Variants in ST6GAL2 observed in about 807,000 individuals in gnomAD.
The protein encoded by ST6GAL2 is ST6 beta-galactoside alpha-2,6-sialyltransferase 2, also known as beta-galactoside alpha-2,6-sialyltransferase 2.
Under a neutral mutation model 37.5 loss-of-function variants are expected in ST6GAL2, and 24 were observed. The ratio of observed to expected loss-of-function variants is 0.64; its 90% CI spans 0.46 to 0.90. The LOEUF (loss-of-function observed/expected upper bound fraction) is 0.90, where lower values mean the gene tolerates loss of function less well. ST6GAL2 is among the 40% of genes least tolerant of loss of function. ST6GAL2 has a pLI of 0.00. For missense variants in ST6GAL2, 715 were observed against 712.7 expected, an observed-to-expected ratio of 1.00 and a Z score of -0.04; for synonymous variants, 306 against 295.1, an observed-to-expected ratio of 1.04 and a Z score of -0.38.
chr2:106,869,017 A>G, intron 1 of ST6GAL2, among the ~76,000 whole-genome samples: 1 of 152,204 alleles, frequency 6.6e-6, no homozygotes, highest in South Asian at 2.1e-4. Flanking sequence ...TCTTTTATTT[A>G]ACAAACATCT....
intron 2 of ST6GAL2, among the ~76,000 whole-genome samples, chr2:106,837,343 G>A (rs1200150315): frequency 6.6e-6 from 1 of 152,148 alleles, no homozygotes; most frequent in Non-Finnish European, 1.5e-5. Context: ...GGGTTCTGCT[G>A]CCCTGACTTG....
At chr2:106,833,573 C>A (rs764189461) in intron 3 of ST6GAL2, among the ~76,000 whole-genome samples, 1 of 152,144 alleles carries the variant, frequency 6.6e-6, no homozygotes, top group Non-Finnish European at 1.5e-5. Context: ...TCATTAAGAA[C>A]GTGAAGAAAC....
intron 2 of ST6GAL2, among the ~76,000 whole-genome samples, chr2:106,838,790 C>A (rs939017624): frequency 6.6e-6 from 1 of 152,192 alleles, no homozygotes; most frequent in Non-Finnish European, 1.5e-5. Flanking sequence ...ACTTCCAGCA[C>A]TTTGTGAGGC....
At chr2:106,849,572 T>C (rs1229315182) in intron 1 of ST6GAL2, among the ~76,000 whole-genome samples, 1 of 152,200 alleles carries the variant, frequency 6.6e-6, no homozygotes, top group African/African-American at 2.4e-5. Context: ...GAAATTTGCA[T>C]TGGTAGAGCA....
chr2:106,883,901 G>A (rs1558738444), intron 1 of ST6GAL2, among the ~76,000 whole-genome samples: 2 of 152,132 alleles, frequency 1.3e-5, no homozygotes, highest in Non-Finnish European at 2.9e-5. Flanking sequence ...CTTCCCAGAG[G>A]ACAAATATCT....
At chr2:106,811,879 T>C (rs2104418661) in intron 5 of ST6GAL2, among the ~76,000 whole-genome samples, 1 of 152,106 alleles carries the variant, frequency 6.6e-6, no homozygotes, top group South Asian at 2.1e-4. Context: ...CGAAGCAAAA[T>C]CACCACAAGG....
Position 106,806,625 on chromosome 2 carries a change from C to T in ST6GAL2, c.*53G>A, listed in dbSNP as rs1202647656. Reference sequence around the variant, plus strand: ...TCTATCTTCAAGTATTCTTTTGTGACTTTGAGTACAACAGTAGTACCTTAT... The same window carrying T: ...TCTATCTTCAAGTATTCTTTTGTGATTTTGAGTACAACAGTAGTACCTTAT... On this transcript the variant is annotated 3_prime_UTR_variant, in exon 6 of 6. Transcript: ENST00000409382. 6.4e-7 allele frequency: 1 copy of T among 1,560,924 alleles called. No homozygotes were observed. Among genetic ancestry groups the T allele is most frequent in the African/African-American group, 1.4e-5 (1 of 73,640 alleles).
chr2:106,821,752 A>G (rs1443895947), intron 5 of ST6GAL2, among the ~76,000 whole-genome samples: 1 of 152,138 alleles, frequency 6.6e-6, no homozygotes, highest in Non-Finnish European at 1.5e-5. Context: ...TATTGATTTT[A>G]AAAAATCCTC....
intron 5 of ST6GAL2, chr2:106,813,114 G>GTTT (rs373534739): frequency 1.2e-3 from 1,308 of 1,133,384 alleles, no homozygotes; most frequent in Middle Eastern, 2.0e-3. Context: ...TATATGGCCA[G>GTTT]TTTTTTTTTT....
In ST6GAL2 at chr2:106,802,107, T is replaced by C. The variant is rs1441520310; in HGVS notation, c.*4571A>G. On this transcript the variant is annotated 3_prime_UTR_variant, in exon 6 of 6. Transcript: ENST00000409382. ...TCATAGTGCCTTTTAAATAATTCTGTCAGTCCATTTTAATGTAGCCAAGAT... is the reference window on the plus strand; with the variant it reads ...TCATAGTGCCTTTTAAATAATTCTGCCAGTCCATTTTAATGTAGCCAAGAT... The C allele has an allele frequency of 6.6e-6, 1 of 152,218 alleles. No homozygotes were observed. Among genetic ancestry groups the C allele is most frequent in the Non-Finnish European group, 1.5e-5 (1 of 68,044 alleles). The allele number at this position is 152,218 out of a possible 1,614,324, so 9.4% of individuals were successfully genotyped here.
chr2:106,886,064 G>GCC (rs1573340416), intron 1 of ST6GAL2, 29 bp downstream of exon 1: 1 of 152,474 alleles, frequency 6.6e-6, no homozygotes, highest in East Asian at 1.9e-4. Context: ...GAAAGGCGTC[G>GCC]CCAACCCTTA....
intron 1 of ST6GAL2, among the ~76,000 whole-genome samples, chr2:106,850,646 C>T (rs75004980): frequency 0.1 from 15,180 of 152,164 alleles, 959 homozygotes; most frequent in Admixed American, 0.12. Context: ...CATCATGGGT[C>T]TCAGTCATCA....
At chr2:106,870,355 C>A (rs577306717) in intron 1 of ST6GAL2, among the ~76,000 whole-genome samples, 25 of 152,174 alleles carry the variant, frequency 1.6e-4, no homozygotes, top group African/African-American at 5.5e-4. Flanking sequence ...TGAAAACTTC[C>A]AGTTAGCTCG....
chr2:106,829,297 G>A (rs1676322138), intron 5 of ST6GAL2, among the ~76,000 whole-genome samples: 1 of 152,184 alleles, frequency 6.6e-6, no homozygotes, highest in Non-Finnish European at 1.5e-5. Flanking sequence ...CCAGTTACTA[G>A]GTGTTGGCCT....
chr2:106,871,093 T>C (rs1678247511), intron 1 of ST6GAL2, among the ~76,000 whole-genome samples: 2 of 152,320 alleles, frequency 1.3e-5, no homozygotes, highest in South Asian at 2.1e-4. Flanking sequence ...GGCCTATTGC[T>C]TTGCTCCTAG....
At chr2:106,857,363 G>A (rs572713496) in intron 1 of ST6GAL2, among the ~76,000 whole-genome samples, 1 of 152,270 alleles carries the variant, frequency 6.6e-6, no homozygotes, top group South Asian at 2.1e-4. Flanking sequence ...AGCACTTTGG[G>A]AGGCCAAGGT....
At chr2:106,876,780 T>C (rs967770788) in intron 1 of ST6GAL2, among the ~76,000 whole-genome samples, 3 of 152,208 alleles carry the variant, frequency 2.0e-5, no homozygotes, top group Admixed American at 1.3e-4. Flanking sequence ...AGCAATTTTC[T>C]GGTTAAGGTA....
At position 106,863,796 on chromosome 2, in the gene ST6GAL2, G is replaced by C. The variant is rs897877894; in HGVS notation, c.-57-19762C>G. On this transcript the variant is annotated intron_variant, in intron 1 of 5. Coordinates refer to ENST00000409382, the MANE Select transcript of ST6GAL2 (RefSeq NM_001142351.2). ...AGAGACTGGGTATAAAAGGTGATGT[G>C]GAGCTAGGAAGAGATATTATTATCA... is the stretch of plus-strand genomic sequence containing the variant. Among the ~76,000 whole-genome samples, 61 of 152,174 alleles carry C rather than the reference G, an allele frequency of 4.0e-4. 1 individual carries two copies. Among genetic ancestry groups the C allele is most frequent in the Non-Finnish European group, 2.9e-5 (2 of 68,034 alleles).
chr2:106,849,771 C>T (rs533501523), intron 1 of ST6GAL2, among the ~76,000 whole-genome samples: 13 of 152,292 alleles, frequency 8.5e-5, no homozygotes, highest in African/African-American at 2.9e-4. Context: ...TTAACTCAAG[C>T]ATTTATTTCT....
Sources: allele counts gnomAD v4.1 joint callset (sites outside exome capture counted in the v4.1 genomes callset), GRCh38; gene constraint gnomAD v4.1.1; transcripts MANE v1.5; gene names NCBI Gene and HGNC (gene_info 2026-07-23, HGNC 2026-07-21).